The following TAFA5 variants were observed in gnomAD, a reference collection of about 807,000 sequenced individuals.
The protein encoded by TAFA5 is TAFA chemokine like family member 5.
TAFA5 carries 6 observed loss-of-function variants against 15.3 expected under a neutral mutation model. The ratio of observed to expected loss-of-function variants is 0.39; its 90% CI spans 0.21 to 0.77. The LOEUF is 0.77. Ranked by LOEUF, TAFA5 falls within the 30% of genes least tolerant of loss-of-function variation. The pLI is 0.41. For missense variants in TAFA5, 161 were observed against 193.1 expected (o/e 0.83, Z 0.98); for synonymous variants, 103 against 80.7 (o/e 1.28, Z -1.48).
rs189999160 is a variant in TAFA5 at position 48,703,557 on chromosome 22, G to A, written c.263-4160G>A. ...TGGTGGCTTGCATCCTAGCCTGACC[G>A]AGAGGGCCCCAACAACACAGCCTGT... On this transcript the variant is annotated intron_variant, in intron 2 of 3. Transcript: ENST00000402357. Among the ~76,000 whole-genome samples the A allele has an allele frequency of 1.9e-3, 292 of 152,352 alleles. 1 individual carries two copies. Among genetic ancestry groups the A allele is most frequent in the Non-Finnish European group, 3.5e-3 (240 of 68,028 alleles).
intron 1 of TAFA5, among the ~76,000 whole-genome samples, chr22:48,632,199 A>G (rs913991867): frequency 6.6e-6 from 1 of 152,110 alleles, no homozygotes; most frequent in Non-Finnish European, 1.5e-5. Context: ...CACCGTCCTC[A>G]ACCCTTACCG....
At chr22:48,577,000 G>A (rs1217119147) in intron 1 of TAFA5, among the ~76,000 whole-genome samples, 1 of 152,112 alleles carries the variant, frequency 6.6e-6, no homozygotes, top group East Asian at 1.9e-4. Flanking sequence ...GACCCGCCAG[G>A]GTGGGCGCCG....
chr22:48,517,690 G>C (rs939151017), intron 1 of TAFA5, among the ~76,000 whole-genome samples: 1 of 152,220 alleles, frequency 6.6e-6, no homozygotes, highest in African/African-American at 2.4e-5. Flanking sequence ...CATGGGGCAC[G>C]CACAGACCTG....
intron 2 of TAFA5, among the ~76,000 whole-genome samples, chr22:48,699,842 C>T (rs1270488520): frequency 2.6e-5 from 4 of 152,178 alleles, no homozygotes; most frequent in Middle Eastern, 3.2e-3. Flanking sequence ...TGCTCTGAGA[C>T]GGGGAGAGGG....
intron 1 of TAFA5, chr22:48,544,847 G>A (rs377279638): frequency 1.3e-5 from 6 of 471,246 alleles, no homozygotes; most frequent in South Asian, 7.7e-5. Context: ...CCTCTGAGGT[G>A]AGAGAGCCCT....
rs557839552 is a variant in TAFA5, at chr22:48,742,861, C to T, written c.391-6978C>T. 7.9e-5 allele frequency among the ~76,000 whole-genome samples: 12 copies of T among 152,284 alleles called. No homozygotes were observed. The highest frequency in any genetic ancestry group is 2.6e-4 in the Admixed American group (4 of 15,306). ...GGTGCGATGAAGCCCAAGGGACTGACGGTGTGAGGAGGGCCCTCTGCTGCC... is the reference window on the plus strand; with the variant it reads ...GGTGCGATGAAGCCCAAGGGACTGATGGTGTGAGGAGGGCCCTCTGCTGCC... On this transcript the variant is annotated intron_variant, in intron 3 of 3. Transcript: ENST00000402357. The surrounding 1 kb of genome is among the most constrained non-coding windows in gnomAD (Gnocchi z 6.2).
intron 2 of TAFA5, among the ~76,000 whole-genome samples, chr22:48,666,169 C>T (rs1156312701): frequency 1.3e-5 from 2 of 152,140 alleles, no homozygotes; most frequent in Non-Finnish European, 2.9e-5. Flanking sequence ...GCTGACCCTG[C>T]AGATGGTCGG....
intron 1 of TAFA5, among the ~76,000 whole-genome samples, chr22:48,547,640 T>C (rs1276294711): frequency 1.3e-5 from 2 of 152,152 alleles, no homozygotes; most frequent in East Asian, 1.9e-4. Flanking sequence ...TTCTCCACTT[T>C]AGGGACATTA....
chr22:48,604,941 A>G (rs1472352621), intron 1 of TAFA5, among the ~76,000 whole-genome samples: 16 of 151,882 alleles, frequency 1.1e-4, no homozygotes, highest in Admixed American at 1.0e-3. Flanking sequence ...GTGGGAGATG[A>G]TGATACTGTG....
At chr22:48,684,879 C>G (rs1928306135) in intron 2 of TAFA5, among the ~76,000 whole-genome samples, 1 of 152,246 alleles carries the variant, frequency 6.6e-6, no homozygotes, top group African/African-American at 2.4e-5. Flanking sequence ...CAGAGCTTCC[C>G]TGCTGATAGG....
intron 1 of TAFA5, among the ~76,000 whole-genome samples, chr22:48,583,544 A>T (rs1924181160): frequency 6.6e-6 from 1 of 151,076 alleles, no homozygotes; most frequent in African/African-American, 2.4e-5. Flanking sequence ...CACACCACAT[A>T]CAAAATACAC....
At chr22:48,669,014 C>A (rs1002490578) in intron 2 of TAFA5, among the ~76,000 whole-genome samples, 3 of 152,214 alleles carry the variant, frequency 2.0e-5, no homozygotes, top group Non-Finnish European at 4.4e-5. Context: ...AGGTGAGTAG[C>A]TGGTGAGAGG....
At chr22:48,719,757 G>A (rs1218557365) in intron 3 of TAFA5, among the ~76,000 whole-genome samples, 2 of 152,200 alleles carry the variant, frequency 1.3e-5, no homozygotes, top group African/African-American at 2.4e-5. Context: ...AATCCATTTT[G>A]CGTTCTTTTG....
At chr22:48,732,688 C>T (rs982927265) in intron 3 of TAFA5, among the ~76,000 whole-genome samples, 6 of 152,178 alleles carry the variant, frequency 3.9e-5, no homozygotes, top group African/African-American at 9.7e-5. Flanking sequence ...GAATTGATTC[C>T]GATTTTGAAA....
In TAFA5 at chr22:48,728,584, T is replaced by C. The variant is rs190802582; in HGVS notation, c.390+20740T>C. On this transcript the variant is annotated intron_variant, in intron 3 of 3. Transcript: ENST00000402357. ...CAATATTATATATGCATTTGAGTTA[T>C]TGATATCCCATTTAGAATGTCATAG... Among the ~76,000 whole-genome samples, 12 of 152,370 alleles carry C rather than the reference T, an allele frequency of 7.9e-5. No homozygotes were observed. In the East Asian group the frequency reaches 2.1e-3, roughly 27 times the overall value.
chr22:48,679,311 C>T (rs1307958523), intron 2 of TAFA5, among the ~76,000 whole-genome samples: 1 of 55,776 alleles, frequency 1.8e-5, no homozygotes, highest in Admixed American at 1.8e-4. Flanking sequence ...CTCCGGGCTC[C>T]CCGTCCATCC....
At chr22:48,633,514 CTGTCTGTCTG>C (rs752226515) in intron 1 of TAFA5, among the ~76,000 whole-genome samples, 1,012 of 73,798 alleles carry the variant, frequency 0.014, 20 homozygotes, top group African/African-American at 0.051. Flanking sequence ...GTCTGTCTGT[CTGTCTGTCTG>C]TCTGTCTGTC....
At chr22:48,633,836 T>C (rs188331224) in intron 1 of TAFA5, among the ~76,000 whole-genome samples, 261 of 152,358 alleles carry the variant, frequency 1.7e-3, no homozygotes, top group Non-Finnish European at 2.7e-3. Flanking sequence ...GGTGAAATAC[T>C]GAGAAATTGA....
intron 2 of TAFA5, among the ~76,000 whole-genome samples, chr22:48,669,269 T>C (rs1927725698): frequency 6.6e-6 from 1 of 152,220 alleles, no homozygotes; most frequent in Admixed American, 6.5e-5. Flanking sequence ...CAGGCATTGC[T>C]TCATCTCCAA....
Sources: gnomAD v4.1 joint callset for allele counts (sites outside exome capture counted in the v4.1 genomes callset) on GRCh38, gnomAD v4.1.1 for gene constraint, Gnocchi (gnomAD v3.1) non-coding constraint, MANE v1.5 for transcripts, NCBI Gene and HGNC (gene_info 2026-07-23, HGNC 2026-07-21) for gene names.